The following SLC25A12 variants were observed in gnomAD, a reference collection of about 807,000 sequenced individuals.
SLC25A12 encodes the protein solute carrier family 25 member 12, also known as electrogenic aspartate/glutamate antiporter SLC25A12, mitochondrial.
SLC25A12 carries 32 observed loss-of-function variants against 83.3 expected under a neutral mutation model. The observed-to-expected ratio is 0.38, with a 90% CI of 0.29 to 0.52. The LOEUF is 0.52. Ranked by LOEUF, SLC25A12 falls within the 20% of genes least tolerant of loss-of-function variation. SLC25A12 has a pLI of 0.84. For synonymous variants in SLC25A12, 267 were observed against 291.1 expected (o/e 0.92, Z 0.84); for missense variants, 611 against 835.6 (o/e 0.73, Z 3.31).
intron 2 of SLC25A12, among the ~76,000 whole-genome samples, chr2:171,879,767 A>C (rs1399114128): frequency 6.6e-6 from 1 of 152,206 alleles, no homozygotes; most frequent in African/African-American, 2.4e-5. Flanking sequence ...GGGGGATGGA[A>C]TGCCTTAATG....
In SLC25A12 at chr2:171,795,050, CT is replaced by C. The variant is rs1046723757; in HGVS notation, c.1306-1284del. On this transcript the variant is annotated intron_variant, in intron 13 of 17. Coordinates refer to ENST00000422440, the MANE Select transcript of SLC25A12 (RefSeq NM_003705.5). ...GGGACTATAAATCCCCCAACTACCC[CT>C]ATTCCAATCCTGACTCCTTAACTCC... 3.8e-4 allele frequency among the ~76,000 whole-genome samples: 58 copies of C among 152,200 alleles called. 1 individual carries two copies. The highest frequency in any genetic ancestry group is 1.4e-3 in the African/African-American group (57 of 41,446).
At chr2:171,852,312 G>T (rs1364608582) in intron 4 of SLC25A12, among the ~76,000 whole-genome samples, 3 of 152,132 alleles carry the variant, frequency 2.0e-5, no homozygotes, top group Non-Finnish European at 4.4e-5. Flanking sequence ...TTGCAAAGAT[G>T]CACACAGTTT....
chr2:171,834,492 T>C (rs146154753), intron 7 of SLC25A12, among the ~76,000 whole-genome samples: 17 of 152,358 alleles, frequency 1.1e-4, no homozygotes, highest in African/African-American at 4.1e-4. Context: ...CACTGACCTG[T>C]TTGACAGATT....
chr2:171,860,711 T>A (rs1685137243), intron 3 of SLC25A12, among the ~76,000 whole-genome samples: 1 of 151,948 alleles, frequency 6.6e-6, no homozygotes, highest in African/African-American at 2.4e-5. Context: ...CTCTGAAATG[T>A]ATTAAAAAAA....
chr2:171,834,984 A>AGTG, intron 6 of SLC25A12, 119 bp from the exon 7 acceptor site: 1 of 1,033,540 alleles, frequency 9.7e-7, no homozygotes, highest in Non-Finnish European at 1.5e-6. Context: ...TGATGTTAAC[A>AGTG]ACCAGTACAT....
intron 4 of SLC25A12, among the ~76,000 whole-genome samples, chr2:171,844,811 T>C (rs1445195483): frequency 6.6e-6 from 1 of 152,208 alleles, no homozygotes; most frequent in Non-Finnish European, 1.5e-5. Context: ...TGGCTGCTAT[T>C]TTACATCCCG....
At chr2:171,817,417 C>T (rs1318051856) in intron 9 of SLC25A12, among the ~76,000 whole-genome samples, 1 of 151,788 alleles carries the variant, frequency 6.6e-6, no homozygotes, top group Non-Finnish European at 1.5e-5. Context: ...GCTTGGCCAA[C>T]ATGGTGAAAC....
At chr2:171,824,314 G>A (rs779902749) in intron 9 of SLC25A12, among the ~76,000 whole-genome samples, 1 of 152,188 alleles carries the variant, frequency 6.6e-6, no homozygotes, top group Non-Finnish European at 1.5e-5. Context: ...TGTGAAGGAT[G>A]CAGACTCAGG....
rs187272204 is a variant in SLC25A12 at position 171,882,354 on chromosome 2, C to T, written c.66+10851G>A. ...CAGATCTGGCCAATGAGAACACTGC[C>T]TCCTTCTAGTACATGGGTTTTCTTG... On this transcript the variant is annotated intron_variant, in intron 2 of 17. Coordinates refer to ENST00000422440, the MANE Select transcript of SLC25A12 (RefSeq NM_003705.5). Among the ~76,000 whole-genome samples the T allele has an allele frequency of 2.6e-5, 4 of 152,326 alleles. No individual in the cohort carries two copies. In the East Asian group the frequency reaches 7.7e-4, roughly 29 times the overall value.
At position 171,886,722 on chromosome 2, in the gene SLC25A12, G is replaced by A. The variant is rs531417126; in HGVS notation, c.66+6483C>T. Among the ~76,000 whole-genome samples, 5 of 152,094 alleles carry A rather than the reference G, an allele frequency of 3.3e-5. No individual in the cohort carries two copies. The South Asian group carries it at 8.3e-4, about 25-fold the overall frequency. On this transcript the variant is annotated intron_variant, in intron 2 of 17. Transcript: ENST00000422440. Reference sequence around the variant, plus strand: ...AGACAGGGTTTCACCATGTTAGCCAGGATGGTCTCAATCTCCTGACCTTGT... The same window carrying A: ...AGACAGGGTTTCACCATGTTAGCCAAGATGGTCTCAATCTCCTGACCTTGT...
At chr2:171,829,566 T>C (rs1351208315) in intron 8 of SLC25A12, among the ~76,000 whole-genome samples, 3 of 152,134 alleles carry the variant, frequency 2.0e-5, no homozygotes, top group African/African-American at 7.2e-5. Flanking sequence ...ACTACCTCTA[T>C]AGCCCTGCTA....
chr2:171,854,618 T>A (rs777214306), intron 4 of SLC25A12, among the ~76,000 whole-genome samples: 6 of 152,102 alleles, frequency 3.9e-5, no homozygotes, highest in Non-Finnish European at 8.8e-5. Flanking sequence ...GAAAGTCTTC[T>A]CATACAGAAG....
chr2:171,793,248 C>T (rs113725696), intron 14 of SLC25A12, among the ~76,000 whole-genome samples: 171 of 152,096 alleles, frequency 1.1e-3, no homozygotes, highest in Middle Eastern at 3.4e-3. Flanking sequence ...AAAGCTCCCA[C>T]TGGGAAGATA....
chr2:171,807,951 C>G (rs1683871141), intron 13 of SLC25A12, among the ~76,000 whole-genome samples: 1 of 149,772 alleles, frequency 6.7e-6, no homozygotes, highest in Non-Finnish European at 1.5e-5. Flanking sequence ...GGAGCAACCT[C>G]TCTCTCTCTC....
chr2:171,828,860 G>A (rs1684368545), intron 8 of SLC25A12, among the ~76,000 whole-genome samples: 1 of 152,220 alleles, frequency 6.6e-6, no homozygotes, highest in Non-Finnish European at 1.5e-5. Flanking sequence ...TGGGTCATCA[G>A]TGGTGGAGAG....
intron 6 of SLC25A12, among the ~76,000 whole-genome samples, chr2:171,835,873 G>A (rs1684544948): frequency 6.9e-6 from 1 of 145,898 alleles, no homozygotes; most frequent in South Asian, 2.1e-4. Context: ...AACCCAAAAA[G>A]CTGGACTCAA....
At chr2:171,893,413 CAA>C (rs2105938096) in intron 1 of SLC25A12, among the ~76,000 whole-genome samples, 155 bp from the exon 2 acceptor site, 1 of 152,310 alleles carries the variant, frequency 6.6e-6, no homozygotes, top group East Asian at 1.9e-4. Flanking sequence ...TAAGAACTGT[CAA>C]ACTGGATAAC....
chr2:171,800,821 T>C lies in SLC25A12; in HGVS notation c.1306-7054A>G, dbSNP rs1683696401. Among the ~76,000 whole-genome samples the C allele has an allele frequency of 3.3e-5, 5 of 152,156 alleles. 1 individual carries two copies. In the South Asian group the frequency reaches 1.0e-3, roughly 32 times the overall value. On this transcript the variant is annotated intron_variant, in intron 13 of 17. Transcript: ENST00000422440. ...TGATACCCACACAAGGATGACTCTC[T>C]GAAAACATGTTAAACAAAAGAAGCC...
chr2:171,825,551 C>G (rs1424365049), intron 9 of SLC25A12, among the ~76,000 whole-genome samples: 1 of 152,172 alleles, frequency 6.6e-6, no homozygotes, highest in Non-Finnish European at 1.5e-5. Flanking sequence ...CTTTCTATAG[C>G]ATGCACATTT....
Sources: gnomAD v4.1 joint callset for allele counts (sites outside exome capture counted in the v4.1 genomes callset) on GRCh38, gnomAD v4.1.1 for gene constraint, MANE v1.5 for transcripts, NCBI Gene and HGNC (gene_info 2026-07-23, HGNC 2026-07-21) for gene names.